CACNA1A: variants seen among roughly 807,000 people sequenced by gnomAD.
CACNA1A encodes the protein voltage-dependent P/Q-type calcium channel subunit alpha-1A.
A neutral mutation model predicts 262.4 loss-of-function variants in CACNA1A; 57 were observed. The ratio of observed to expected loss-of-function variants is 0.22; its 90% CI spans 0.18 to 0.27. The LOEUF (loss-of-function observed/expected upper bound fraction) is 0.27. Ranked by LOEUF, CACNA1A falls within the 10% of genes least tolerant of loss-of-function variation. The probability of loss-of-function intolerance (pLI) is 1.00; values close to 1 mark genes in which losing one functional copy is unlikely to be tolerated. For missense variants in CACNA1A, 2,526 were observed against 3,562.8 expected (o/e 0.71, Z 7.41); for synonymous variants, 1,431 against 1,419.3 (o/e 1.01, Z -0.18).
chr19:13,212,298 G>T lies in CACNA1A; in HGVS notation c.6190-82C>A. On this transcript the variant is annotated intron_variant, in intron 42 of 46. Coordinates refer to ENST00000360228, the MANE Select transcript of CACNA1A (RefSeq NM_001127222.2). The surrounding 1 kb of genome is among the most constrained non-coding windows in gnomAD (Gnocchi z 5.6). ...GTGTCTGCAGAGGGAGGGAGCTGCAGGTGTGTGTGTGTGGGGGGCCCAGAT... is the reference window on the plus strand; with the variant it reads ...GTGTCTGCAGAGGGAGGGAGCTGCATGTGTGTGTGTGTGGGGGGCCCAGAT... 1 of 1,563,316 alleles carries T rather than the reference G, an allele frequency of 6.4e-7. No individual in the cohort carries two copies. The highest frequency in any genetic ancestry group is 8.8e-7 in the Non-Finnish European group (1 of 1,137,416).
At chr19:13,237,277 G>A (rs1467403860) in intron 31 of CACNA1A, among the ~76,000 whole-genome samples, 1 of 152,146 alleles carries the variant, frequency 6.6e-6, no homozygotes, top group Non-Finnish European at 1.5e-5. Flanking sequence ...GAGGAGTAGA[G>A]GGTCTCTCCA....
intron 43 of CACNA1A, chr19:13,211,117 C>T (rs186831081): frequency 5.5e-6 from 1 of 182,454 alleles, no homozygotes; most frequent in East Asian, 1.5e-4. Flanking sequence ...AGCATGCACG[C>T]TGGGTGCTCC....
At chr19:13,335,716 GA>G in intron 7 of CACNA1A, 89 bp downstream of exon 7, 1 of 854,756 alleles carries the variant, frequency 1.2e-6, no homozygotes, top group Non-Finnish European at 1.9e-6. Context: ...TCTGTCTAGT[GA>G]ATGAAAACAA....
chr19:13,351,010 A>T (rs746034835), intron 6 of CACNA1A, among the ~76,000 whole-genome samples: 4 of 152,220 alleles, frequency 2.6e-5, no homozygotes, highest in Non-Finnish European at 4.4e-5. Context: ...AACTGGGATT[A>T]GGAGTTTTTG....
chr19:13,479,028 G>T (rs887317835), intron 1 of CACNA1A, among the ~76,000 whole-genome samples: 6 of 152,124 alleles, frequency 3.9e-5, no homozygotes, highest in African/African-American at 1.4e-4. Flanking sequence ...ACAAAAATTA[G>T]CCAGGCATGG....
chr19:13,389,818 A>G (rs1426295326), intron 3 of CACNA1A, among the ~76,000 whole-genome samples: 1 of 151,352 alleles, frequency 6.6e-6, no homozygotes, highest in Non-Finnish European at 1.5e-5. Context: ...TTATTTATTT[A>G]TTTATTTATT....
intron 1 of CACNA1A, among the ~76,000 whole-genome samples, chr19:13,461,765 A>T (rs2061128357): frequency 1.3e-5 from 2 of 152,132 alleles, no homozygotes; most frequent in South Asian, 2.1e-4. Context: ...CTCGGAGAGA[A>T]AGCACCTGTG....
chr19:13,406,505 A>G lies in CACNA1A; in HGVS notation c.540-34726T>C, dbSNP rs188167584. ...TATATATATATATATATATATATAT[A>G]TATATATGAAGGGAATCTGATCCCT... is the stretch of plus-strand genomic sequence containing the variant. On this transcript the variant is annotated intron_variant, in intron 3 of 46. Coordinates refer to ENST00000360228, the MANE Select transcript of CACNA1A (RefSeq NM_001127222.2). 7.8e-3 allele frequency among the ~76,000 whole-genome samples: 868 copies of G among 110,586 alleles called. 38 individuals carry two copies. Among genetic ancestry groups the G allele is most frequent in the South Asian group, 0.028 (93 of 3,348 alleles). 72.5% of individuals were successfully genotyped at this position (110,586 alleles called of 152,430 possible).
At chr19:13,318,659 C>T (rs889247937) in intron 10 of CACNA1A, among the ~76,000 whole-genome samples, 7 of 151,796 alleles carry the variant, frequency 4.6e-5, no homozygotes, top group East Asian at 1.9e-4. Flanking sequence ...GGTAGTTAAG[C>T]GGGGAGGATT....
Position 13,308,787 on chromosome 19 carries a change from C to T in CACNA1A, c.1669-259G>A, listed in dbSNP as rs1191357204. The stretch of plus-strand genomic sequence containing the variant: ...GTCCTCCTGGGCTTAAGTGATCCTC[C>T]CACCTCAGCCTCTTGAGTAGCTGGG... On this transcript the variant is annotated intron_variant, in intron 12 of 46. Transcript: ENST00000360228. The surrounding 1 kb of genome is among the most constrained non-coding windows in gnomAD (Gnocchi z 4.2). 1 of 297,064 alleles carries T rather than the reference C, an allele frequency of 3.4e-6. No homozygotes were observed. The allele number at this position is 297,064 out of a possible 1,614,324, so 18.4% of individuals were successfully genotyped here.
At chr19:13,472,798 T>A (rs1255108789) in intron 1 of CACNA1A, among the ~76,000 whole-genome samples, 1 of 152,222 alleles carries the variant, frequency 6.6e-6, no homozygotes, top group Non-Finnish European at 1.5e-5. Context: ...CAGCCTAAAG[T>A]GCAGTGGTGC....
chr19:13,336,594 G>GGAGAGAGAGGGGGAGAGA (rs1555768093), intron 6 of CACNA1A, among the ~76,000 whole-genome samples: 6 of 65,508 alleles, frequency 9.2e-5, no homozygotes, highest in Non-Finnish European at 1.9e-4. Flanking sequence ...AGAGAGAGAG[G>GGAGAGAGAGGGGGAGAGA]GAGAGAGAGA....
At chr19:13,420,785 CCT>C (rs2060304517) in intron 3 of CACNA1A, among the ~76,000 whole-genome samples, 2 of 152,102 alleles carry the variant, frequency 1.3e-5, no homozygotes, top group South Asian at 4.1e-4. Context: ...TGCCTTTGCC[CCT>C]GATTTAATAC....
At chr19:13,254,394 C>T (rs922813441) in intron 29 of CACNA1A, among the ~76,000 whole-genome samples, 1 of 150,636 alleles carries the variant, frequency 6.6e-6, no homozygotes, top group African/African-American at 2.4e-5. Flanking sequence ...TGGAGTCTTG[C>T]TCTTGTTGCC....
At chr19:13,208,621 G>T in intron 46 of CACNA1A, 135 bp downstream of exon 46, 1 of 1,152,420 alleles carries the variant, frequency 8.7e-7, no homozygotes, top group Non-Finnish European at 1.2e-6. Flanking sequence ...CCGGTGGCTT[G>T]GGGGCAGGAT....
At chr19:13,471,496 C>T (rs556323876) in intron 1 of CACNA1A, among the ~76,000 whole-genome samples, 9 of 152,258 alleles carry the variant, frequency 5.9e-5, no homozygotes, top group East Asian at 5.8e-4. Context: ...ATTCTACTTC[C>T]GAAATTAGAC....
chr19:13,339,616 T>C (rs1446930003), intron 6 of CACNA1A, among the ~76,000 whole-genome samples: 2 of 152,164 alleles, frequency 1.3e-5, no homozygotes, highest in East Asian at 1.9e-4. Flanking sequence ...AAGATGGATA[T>C]GCTAATTACC....
intron 1 of CACNA1A, among the ~76,000 whole-genome samples, chr19:13,500,017 C>T (rs1230198322): frequency 6.6e-6 from 1 of 152,086 alleles, no homozygotes; most frequent in Non-Finnish European, 1.5e-5. Context: ...CACTCCAAGT[C>T]CCTGAAGAAA....
chr19:13,349,721 C>T (rs572600812), intron 6 of CACNA1A, among the ~76,000 whole-genome samples: 1 of 152,350 alleles, frequency 6.6e-6, no homozygotes, highest in East Asian at 1.9e-4. Flanking sequence ...TTCTGACTCT[C>T]AATCGCTGTG....
Sources: allele counts gnomAD v4.1 joint callset (sites outside exome capture counted in the v4.1 genomes callset), GRCh38; gene constraint gnomAD v4.1.1; non-coding constraint Gnocchi (gnomAD v3.1); transcripts MANE v1.5; gene names NCBI Gene and HGNC (gene_info 2026-07-23, HGNC 2026-07-21).